Variants in GRAMD1B observed in about 807,000 individuals in gnomAD.
The protein encoded by GRAMD1B is protein Aster-B.
A neutral mutation model predicts 99.7 loss-of-function variants in GRAMD1B; 37 were observed. That is an observed-to-expected ratio of 0.37 (90% CI 0.29 to 0.49). The LOEUF is 0.49. Ranked by LOEUF, GRAMD1B falls within the 20% of genes least tolerant of loss-of-function variation. The pLI is 0.98. For synonymous variants in GRAMD1B, 427 were observed against 387.6 expected (o/e 1.10, Z -1.19); for missense variants, 888 against 1,009.2 (o/e 0.88, Z 1.63).
intron 4 of GRAMD1B, among the ~76,000 whole-genome samples, chr11:123,593,347 C>T (rs893991587): frequency 2.6e-5 from 4 of 152,192 alleles, no homozygotes; most frequent in Admixed American, 6.5e-5. Context: ...AAGGCAGTTT[C>T]TGGGTATCAT....
At chr11:123,570,426 T>C (rs112963539) in intron 2 of GRAMD1B, among the ~76,000 whole-genome samples, 303 of 31,356 alleles carry the variant, frequency 9.7e-3, no homozygotes, top group South Asian at 0.02. Context: ...CTTTTCTTTT[T>C]TTTTTTTTTT....
At position 123,610,204 on chromosome 11, in the gene GRAMD1B, C is replaced by T. The variant is rs1953350664; in HGVS notation, c.1785C>T (p.Tyr595=). 11 of 1,613,884 alleles carry T rather than the reference C, an allele frequency of 6.8e-6. No homozygotes were observed. The highest frequency in any genetic ancestry group is 9.3e-6 in the Non-Finnish European group (11 of 1,179,852). Reference sequence around the variant, plus strand: ...ACCTTTCCTGCCCGCAGACCATGTACAAGGCGAGCCAGGAGAGTGAATGTT... The same window carrying T: ...ACCTTTCCTGCCCGCAGACCATGTATAAGGCGAGCCAGGAGAGTGAATGTT... ...TATVRETQTM[Y]KASQESECYV... is the part of the protein sequence containing the mutation. Residue 595 remains tyrosine, a synonymous_variant, in exon 14 of 20, where the codon TAC becomes TAT. Coordinates refer to ENST00000635736, the MANE Select transcript of GRAMD1B (RefSeq NM_001387025.1). The surrounding 1 kb of genome is among the most constrained non-coding windows in gnomAD (Gnocchi z 4.1).
chr11:123,618,545 T>C, intron 17 of GRAMD1B, 148 bp from the exon 18 acceptor site: 4 of 808,556 alleles, frequency 4.9e-6, no homozygotes, highest in South Asian at 1.3e-5. Flanking sequence ...TCTCTCTCTC[T>C]CCCTTGCTCC....
intron 1 of GRAMD1B, among the ~76,000 whole-genome samples, chr11:123,433,679 CGTGTGTGTGTGTGTGTGTGTGT>C (rs59262021): frequency 7.0e-6 from 1 of 142,980 alleles, no homozygotes; most frequent in South Asian, 2.4e-4. Flanking sequence ...ATGTTACGTG[CGTGTGTGTGTGTGTGTGTGTGT>C]GTGTGTGTGT....
chr11:123,465,311 G>A (rs1426217823), intron 1 of GRAMD1B, among the ~76,000 whole-genome samples: 1 of 152,134 alleles, frequency 6.6e-6, no homozygotes, highest in African/African-American at 2.4e-5. Context: ...AGGTGTTTTC[G>A]CATTTCCAGA....
rs878981403 is a variant in GRAMD1B at position 123,610,005 on chromosome 11, A to G, written c.1776+92A>G. On this transcript the variant is annotated intron_variant, in intron 13 of 19. Transcript: ENST00000635736. This position sits in a 1 kb window ranked among gnomAD's most constrained non-coding sequence, Gnocchi z 4.1. ...AGGGCAGATGTCAGGAAGAAGTTTC[A>G]GGGCGCAAGTGTCATTTTGCCCCAA... 6.8e-6 allele frequency: 6 copies of G among 881,230 alleles called. No individual in the cohort carries two copies. The South Asian group carries it at 8.9e-5, about 13-fold the overall frequency. 54.6% of individuals were successfully genotyped at this position (881,230 alleles called of 1,614,324 possible).
Position 123,625,201 on chromosome 11 carries a change from G to T in GRAMD1B, c.*2606G>T, listed in dbSNP as rs2137196121. The T allele has an allele frequency of 6.6e-6, 1 of 152,302 alleles. No homozygotes were observed. The highest frequency in any genetic ancestry group is 2.1e-4 in the South Asian group (1 of 4,822). The allele number at this position is 152,302 out of a possible 1,614,324, so 9.4% of individuals were successfully genotyped here. ...AACAAATAAATAGCATTGTATTCCT[G>T]GCCATTTGCCTGGCTAGTTGCTGTC... On this transcript the variant is annotated 3_prime_UTR_variant, in exon 20 of 20. Coordinates refer to ENST00000635736, the MANE Select transcript of GRAMD1B (RefSeq NM_001387025.1).
intron 1 of GRAMD1B, among the ~76,000 whole-genome samples, chr11:123,445,621 G>T (rs1442694384): frequency 6.6e-6 from 1 of 151,988 alleles, no homozygotes; most frequent in Non-Finnish European, 1.5e-5. Context: ...TTTGAGACCA[G>T]CCTGGCCAAC....
intron 2 of GRAMD1B, among the ~76,000 whole-genome samples, chr11:123,530,790 G>A (rs1943274886): frequency 6.6e-6 from 1 of 152,168 alleles, no homozygotes; most frequent in Admixed American, 6.5e-5. Context: ...TTTATCAGGA[G>A]GTGAGTTGCG....
chr11:123,627,228 C>G lies in GRAMD1B; in HGVS notation c.*4633C>G, dbSNP rs1287180022. 6.6e-6 allele frequency: 1 copy of G among 152,300 alleles called. No individual in the cohort carries two copies. Among genetic ancestry groups the G allele is most frequent in the Non-Finnish European group, 1.5e-5 (1 of 68,064 alleles). 9.4% of individuals were successfully genotyped at this position (152,300 alleles called of 1,614,324 possible). A position where few individuals can be genotyped will look rare whatever the true frequency, so the allele number is the denominator to read the frequency against. ...CATTGCAGAAGCAAAAGGGTGGCCTCTGCTCCAGGCAAGGCAGCTGGCTCT... is the reference window on the plus strand; with the variant it reads ...CATTGCAGAAGCAAAAGGGTGGCCTGTGCTCCAGGCAAGGCAGCTGGCTCT... On this transcript the variant is annotated 3_prime_UTR_variant, in exon 20 of 20. Coordinates refer to ENST00000635736, the MANE Select transcript of GRAMD1B (RefSeq NM_001387025.1).
At chr11:123,388,247 C>A (rs1294122383) in intron 1 of GRAMD1B, among the ~76,000 whole-genome samples, 1 of 151,910 alleles carries the variant, frequency 6.6e-6, no homozygotes, top group African/African-American at 2.4e-5. Context: ...ATGTTGGTAT[C>A]CCCCAATATG....
At chr11:123,478,283 A>G (rs1374258407) in intron 1 of GRAMD1B, among the ~76,000 whole-genome samples, 1 of 152,190 alleles carries the variant, frequency 6.6e-6, no homozygotes, top group Non-Finnish European at 1.5e-5. Context: ...AAGTGCTGGG[A>G]TTACAGGCAT....
intron 9 of GRAMD1B, among the ~76,000 whole-genome samples, chr11:123,604,886 G>A (rs1592238105): frequency 6.6e-6 from 1 of 152,148 alleles, no homozygotes; most frequent in Non-Finnish European, 1.5e-5. Flanking sequence ...TCAAGAATTT[G>A]GGCAATGCCA....
chr11:123,426,707 G>A (rs1174279563), upstream of GRAMD1B, among the ~76,000 whole-genome samples: 2 of 152,204 alleles, frequency 1.3e-5, no homozygotes, highest in African/African-American at 4.8e-5. Flanking sequence ...GTCTTTGGGA[G>A]TTCCCTGCCT....
Position 123,591,648 on chromosome 11 carries a change from G to A in GRAMD1B, c.685-2434G>A, listed in dbSNP as rs141475328. 1,206 of 396,696 alleles carry A rather than the reference G, an allele frequency of 3.0e-3. 33 individuals are homozygous for A. The Admixed American group carries it at 0.047, about 15-fold the overall frequency. The allele number at this position is 396,696 out of a possible 1,614,324, so 24.6% of individuals were successfully genotyped here. ...CCCCAGATTTGACAATCTTGGAACC[G>A]AAATTATTTGACCATTTTAAATTGA... On this transcript the variant is annotated intron_variant, in intron 4 of 19. Transcript: ENST00000635736. The surrounding 1 kb of genome is among the most constrained non-coding windows in gnomAD (Gnocchi z 4.7).
intron 1 of GRAMD1B, among the ~76,000 whole-genome samples, chr11:123,434,774 C>T (rs1949085262): frequency 6.6e-6 from 1 of 152,148 alleles, no homozygotes; most frequent in Non-Finnish European, 1.5e-5. Flanking sequence ...GGCGACAGAG[C>T]AAGACTCCAT....
chr11:123,395,263 G>A (rs926916745), intron 1 of GRAMD1B, among the ~76,000 whole-genome samples: 1 of 151,488 alleles, frequency 6.6e-6, no homozygotes, highest in Non-Finnish European at 1.5e-5. Flanking sequence ...ACTAAGGAAA[G>A]GCTTCTTTAT....
intron 2 of GRAMD1B, chr11:123,560,152 C>T (rs886624314): frequency 1.0e-6 from 1 of 975,392 alleles, no homozygotes; most frequent in Middle Eastern, 5.2e-4. Flanking sequence ...CAAAGAGTTG[C>T]ATTATGTAAA....
intron 2 of GRAMD1B, among the ~76,000 whole-genome samples, chr11:123,509,318 C>G (rs1940746466): frequency 1.3e-5 from 2 of 152,208 alleles, no homozygotes; most frequent in Non-Finnish European, 2.9e-5. Flanking sequence ...ACCGACGTCC[C>G]TAACAGAAGA....
Sources: allele counts gnomAD v4.1 joint callset (sites outside exome capture counted in the v4.1 genomes callset), GRCh38; gene constraint gnomAD v4.1.1; non-coding constraint Gnocchi (gnomAD v3.1); transcripts MANE v1.5; gene names NCBI Gene and HGNC (gene_info 2026-07-23, HGNC 2026-07-21).